The following CABP7 variants were observed in gnomAD, a reference collection of about 807,000 sequenced individuals.
CABP7 encodes the protein calcium binding protein 7, also known as calcium-binding protein 7.
In CABP7, 13 loss-of-function variants were observed where a neutral mutation model predicts 23.1. That is an observed-to-expected ratio of 0.56 (90% confidence interval 0.37 to 0.90). CABP7 has a LOEUF of 0.90. Ranked by LOEUF, CABP7 falls within the 40% of genes least tolerant of loss-of-function variation. CABP7 has a pLI of 0.01. For synonymous variants in CABP7, 123 were observed against 115.3 expected (o/e 1.07, Z -0.43); for missense variants, 248 against 295.6 (o/e 0.84, Z 1.18).
At chr22:29,726,650 A>T (rs939867726) in intron 1 of CABP7, among the ~76,000 whole-genome samples, 2 of 152,226 alleles carry the variant, frequency 1.3e-5, no homozygotes, top group African/African-American at 4.8e-5. Flanking sequence ...CTGAAAGCTA[A>T]AAGTCCACCC....
rs536565679 is a variant in CABP7 at position 29,727,952 on chromosome 22, G to A, written c.253+147G>A. ...CCCTCAAAGTCCGTGGCAGGTTGCA[G>A]CCCGGTCTGGCCCCATTTCTCAGCC... On this transcript the variant is annotated intron_variant, in intron 2 of 4. Coordinates refer to ENST00000216144, the MANE Select transcript of CABP7 (RefSeq NM_182527.3). This position sits in a 1 kb window ranked among gnomAD's most constrained non-coding sequence, Gnocchi z 4.2. 2 of 880,624 alleles carry A rather than the reference G, an allele frequency of 2.3e-6. No individual in the cohort carries two copies. The highest frequency in any genetic ancestry group is 1.8e-5 in the South Asian group (1 of 54,962). 54.6% of individuals were successfully genotyped at this position (880,624 alleles called of 1,614,324 possible). A position where few individuals can be genotyped will look rare whatever the true frequency, so the allele number is the denominator to read the frequency against.
rs1556015996 is a variant in CABP7, at chr22:29,727,209, T to TTATC, written c.110-451_110-450insTCTA. ...TGCCATTAGCAAGTGTTGGCCGGTG[T>TTATC]TAAGGATCTAAGGATCCGAGCCTGG... On this transcript the variant is annotated intron_variant, in intron 1 of 4. Coordinates refer to ENST00000216144, the MANE Select transcript of CABP7 (RefSeq NM_182527.3). This position sits in a 1 kb window ranked among gnomAD's most constrained non-coding sequence, Gnocchi z 4.2. Among the ~76,000 whole-genome samples, 1 of 150,408 alleles carries TTATC rather than the reference T, an allele frequency of 6.6e-6. No individual in the cohort carries two copies. The highest frequency in any genetic ancestry group is 1.5e-5 in the Non-Finnish European group (1 of 67,632).
rs1469664641 is a variant in CABP7, at chr22:29,720,442, G to A, written c.18G>A (p.Val6=). 2.1e-5 allele frequency: 32 copies of A among 1,547,270 alleles called. No individual in the cohort carries two copies. Among genetic ancestry groups the A allele is most frequent in the Non-Finnish European group, 2.6e-5 (30 of 1,149,576 alleles). ...CCTCCAAGATGCCGTTCCACCCGGT[G>A]ACGGCGGCGTTGATGTACCGGGGCA... MPFHP[V]TAALMYRGIY... Residue 6 remains valine, a synonymous_variant, in exon 1 of 5, where the codon GTG becomes GTA. Coordinates refer to ENST00000216144, the MANE Select transcript of CABP7 (RefSeq NM_182527.3). This position sits in a 1 kb window ranked among gnomAD's most constrained non-coding sequence, Gnocchi z 5.2.
Position 29,720,881 on chromosome 22 carries a change from G to C in CABP7, c.109+348G>C, listed in dbSNP as rs2147204579. Among the ~76,000 whole-genome samples, 1 of 151,738 alleles carries C rather than the reference G, an allele frequency of 6.6e-6. No individual in the cohort carries two copies. Among genetic ancestry groups the C allele is most frequent in the Non-Finnish European group, 1.5e-5 (1 of 67,854 alleles). ...GGGTCCGCGCTGAGCCCCCAGCGCCGGCCCGGCCGGAGCACCCGCATCCTG... is the reference window on the plus strand; with the variant it reads ...GGGTCCGCGCTGAGCCCCCAGCGCCCGCCCGGCCGGAGCACCCGCATCCTG... On this transcript the variant is annotated intron_variant, in intron 1 of 4. Coordinates refer to ENST00000216144, the MANE Select transcript of CABP7 (RefSeq NM_182527.3). The surrounding 1 kb of genome is among the most constrained non-coding windows in gnomAD (Gnocchi z 5.2).
chr22:29,725,925 C>T (rs781686497), intron 1 of CABP7, among the ~76,000 whole-genome samples: 7 of 152,138 alleles, frequency 4.6e-5, no homozygotes, highest in African/African-American at 1.4e-4. Context: ...CTCTAGGGAC[C>T]GGAATCCCCT....
chr22:29,729,424 C>T lies in CABP7; in HGVS notation c.521-18C>T, dbSNP rs1218080018. 6.2e-7 allele frequency: 1 copy of T among 1,607,494 alleles called. No individual in the cohort carries two copies. ...TGTCCCCTTCTGTCTCCCCGGTGCT[C>T]CCGGCGGGCGGCCACAGCCTGCTCC... On this transcript the variant is annotated intron_variant, in intron 4 of 4. Coordinates refer to ENST00000216144, the MANE Select transcript of CABP7 (RefSeq NM_182527.3).
At position 29,720,436 on chromosome 22, in the gene CABP7, C is replaced by G; in HGVS notation, c.12C>G (p.His4Gln). The change falls in exon 1 of 5, where the codon CAC becomes CAG. Residue 4 changes from histidine (H) to glutamine (Q), a missense_variant. Physicochemically the swap from His to Gln is conservative, Grantham distance 24. Coordinates refer to ENST00000216144, the MANE Select transcript of CABP7 (RefSeq NM_182527.3). This position sits in a 1 kb window ranked among gnomAD's most constrained non-coding sequence, Gnocchi z 5.2. MPF[H>Q]PVTAALMYRG... ...GCGGAGCCTCCAAGATGCCGTTCCA[C>G]CCGGTGACGGCGGCGTTGATGTACC... 1 of 1,541,830 alleles carries G rather than the reference C, an allele frequency of 6.5e-7. No individual in the cohort carries two copies. Among genetic ancestry groups the G allele is most frequent in the Non-Finnish European group, 8.7e-7 (1 of 1,147,064 alleles).
rs1291649128 is a variant in CABP7, at chr22:29,720,956, G to A, written c.109+423G>A. 1.3e-5 allele frequency among the ~76,000 whole-genome samples: 2 copies of A among 152,078 alleles called. No individual in the cohort carries two copies. The highest frequency in any genetic ancestry group is 2.4e-5 in the African/African-American group (1 of 41,432). ...GGCTCTCTGCTCGCATTGACATTCC[G>A]CTCGTGTCGCTTTAAAAATTCAATC... On this transcript the variant is annotated intron_variant, in intron 1 of 4. Transcript: ENST00000216144. The surrounding 1 kb of genome is among the most constrained non-coding windows in gnomAD (Gnocchi z 5.2).
chr22:29,726,904 T>C (rs1323216880), intron 1 of CABP7, among the ~76,000 whole-genome samples: 4 of 152,160 alleles, frequency 2.6e-5, no homozygotes, highest in African/African-American at 9.7e-5. Context: ...CCACCATCAT[T>C]CTGCCCATTT....
rs2067835489 is a variant in CABP7 at position 29,730,967 on chromosome 22, ACTTT to A, written c.*1403_*1406del. ...CACAGCCAGACCACTGTGGTGACAG[ACTTT>A]CTTTATAAACATTTGGAAGTTTTCT... On this transcript the variant is annotated 3_prime_UTR_variant, in exon 5 of 5. Transcript: ENST00000216144. 9.0e-6 allele frequency: 3 copies of A among 334,740 alleles called. No homozygotes were observed. The South Asian group carries it at 2.9e-4, about 32-fold the overall frequency. 20.7% of individuals were successfully genotyped at this position (334,740 alleles called of 1,614,324 possible).
Position 29,731,353 on chromosome 22 carries a change from C to A in CABP7, c.*1784C>A, listed in dbSNP as rs1224038080. 6.5e-7 allele frequency: 1 copy of A among 1,547,248 alleles called. No homozygotes were observed. The highest frequency in any genetic ancestry group is 1.3e-5 in the South Asian group (1 of 79,956). On this transcript the variant is annotated 3_prime_UTR_variant, in exon 5 of 5. Transcript: ENST00000216144. ...AAGACAGTGGTTCTGATGGGTTCAG[C>A]CCTAGAGAGAGAGAGAGAAGCGGGG...
chr22:29,724,830 C>T (rs1024006422), intron 1 of CABP7, among the ~76,000 whole-genome samples: 6 of 152,232 alleles, frequency 3.9e-5, no homozygotes, highest in Admixed American at 3.3e-4. Context: ...CAGCTTATCG[C>T]CTGCCCGTGC....
chr22:29,731,200 TG>T lies in CABP7; in HGVS notation c.*1636del. ...GTGACTGATGAGAAAAGTGACCACGTGGGGGTCAGTCGGGGGCAAGGGGCTC... is the reference window on the plus strand; with the variant it reads ...GTGACTGATGAGAAAAGTGACCACGTGGGGTCAGTCGGGGGCAAGGGGCTC... On this transcript the variant is annotated 3_prime_UTR_variant, in exon 5 of 5. Transcript: ENST00000216144. 6.8e-7 allele frequency: 1 copy of T among 1,473,380 alleles called. No homozygotes were observed. Among genetic ancestry groups the T allele is most frequent in the Non-Finnish European group, 8.9e-7 (1 of 1,120,236 alleles). The allele number at this position is 1,473,380 out of a possible 1,614,324, so 91.3% of individuals were successfully genotyped here.
At position 29,731,071 on chromosome 22, in the gene CABP7, G is replaced by A. The variant is rs1384227467; in HGVS notation, c.*1502G>A. ...GAGCTGCCCGGTGCAGACCCAGGACGAGGGCTGCACTTGGTGTGGCCGTGT... is the reference window on the plus strand; with the variant it reads ...GAGCTGCCCGGTGCAGACCCAGGACAAGGGCTGCACTTGGTGTGGCCGTGT... On this transcript the variant is annotated 3_prime_UTR_variant, in exon 5 of 5. Coordinates refer to ENST00000216144, the MANE Select transcript of CABP7 (RefSeq NM_182527.3). The A allele has an allele frequency of 1.6e-5, 12 of 740,022 alleles. No homozygotes were observed. Among genetic ancestry groups the A allele is most frequent in the East Asian group, 6.1e-5 (2 of 33,054 alleles). 45.8% of individuals were successfully genotyped at this position (740,022 alleles called of 1,614,324 possible).
chr22:29,729,309 T>A (rs2067820607), intron 4 of CABP7, 101 bp downstream of exon 4: 2 of 1,576,482 alleles, frequency 1.3e-6, no homozygotes, highest in East Asian at 4.5e-5. Flanking sequence ...GGGGCCTCCT[T>A]GCCTGTCCTA....
At position 29,727,402 on chromosome 22, in the gene CABP7, A is replaced by G. The variant is rs565038324; in HGVS notation, c.110-260A>G. Reference sequence around the variant, plus strand: ...TGTGAGCACACCAGGAGAGGCTGTGAGAGCCTGGCGCAATCAGATCCCAAG... The same window carrying G: ...TGTGAGCACACCAGGAGAGGCTGTGGGAGCCTGGCGCAATCAGATCCCAAG... On this transcript the variant is annotated intron_variant, in intron 1 of 4. Transcript: ENST00000216144. The surrounding 1 kb of genome is among the most constrained non-coding windows in gnomAD (Gnocchi z 4.2). Among the ~76,000 whole-genome samples, 1 of 152,302 alleles carries G rather than the reference A, an allele frequency of 6.6e-6. No homozygotes were observed. Among genetic ancestry groups the G allele is most frequent in the East Asian group, 1.9e-4 (1 of 5,172 alleles).
chr22:29,729,072 G>A lies in CABP7; in HGVS notation c.384G>A (p.Leu128=). 6.2e-7 allele frequency: 1 copy of A among 1,611,370 alleles called. No individual in the cohort carries two copies. Among genetic ancestry groups the A allele is most frequent in the Non-Finnish European group, 8.5e-7 (1 of 1,179,670 alleles). The stretch of plus-strand genomic sequence containing the variant: ...TCCGCAAGTGCGACATGCAGAAGCT[G>A]ACGGTGGATGAGCTGAAGCGGCTGC... ...TVFWKCDMQK[L]TVDELKRLLY... The change falls in exon 4 of 5, where the codon CTG becomes CTA. Residue 128 remains leucine, a synonymous_variant. Transcript: ENST00000216144.
At chr22:29,722,195 G>C (rs1470758029) in intron 1 of CABP7, among the ~76,000 whole-genome samples, 1 of 152,188 alleles carries the variant, frequency 6.6e-6, no homozygotes, top group Non-Finnish European at 1.5e-5. Flanking sequence ...CCCAACTCCA[G>C]CCCTTTCTGG....
At position 29,731,203 on chromosome 22, in the gene CABP7, G is replaced by A. The variant is rs762088255; in HGVS notation, c.*1634G>A. On this transcript the variant is annotated 3_prime_UTR_variant, in exon 5 of 5. Coordinates refer to ENST00000216144, the MANE Select transcript of CABP7 (RefSeq NM_182527.3). Reference sequence around the variant, plus strand: ...ACTGATGAGAAAAGTGACCACGTGGGGGTCAGTCGGGGGCAAGGGGCTCAG... The same window carrying A: ...ACTGATGAGAAAAGTGACCACGTGGAGGTCAGTCGGGGGCAAGGGGCTCAG... 48 of 1,476,066 alleles carry A rather than the reference G, an allele frequency of 3.3e-5. No individual in the cohort carries two copies. The highest frequency in any genetic ancestry group is 4.3e-5 in the Non-Finnish European group (48 of 1,121,714). The allele number at this position is 1,476,066 out of a possible 1,614,324, so 91.4% of individuals were successfully genotyped here.
Sources: gnomAD v4.1 joint callset for allele counts (sites outside exome capture counted in the v4.1 genomes callset) on GRCh38, gnomAD v4.1.1 for gene constraint, Gnocchi (gnomAD v3.1) non-coding constraint, MANE v1.5 for transcripts, NCBI Gene and HGNC (gene_info 2026-07-23, HGNC 2026-07-21) for gene names.